TET2: variants seen among roughly 807,000 people sequenced by gnomAD.
The protein encoded by TET2 is tet methylcytosine dioxygenase 2.
A neutral mutation model predicts 142.9 loss-of-function variants in TET2; 299 were observed. The observed-to-expected ratio is 2.09, with a 90% CI of 1.90 to 2.30. The LOEUF is 2.30. TET2 is among the 30% of genes most tolerant of loss of function. The pLI is 0.00. For missense variants in TET2, 2,418 were observed against 2,378.0 expected (o/e 1.02, Z -0.35); for synonymous variants, 819 against 849.0 (o/e 0.96, Z 0.61).
chr4:105,228,649 T>C (rs568237175), intron 2 of TET2, among the ~76,000 whole-genome samples: 7 of 152,278 alleles, frequency 4.6e-5, no homozygotes, highest in Admixed American at 4.6e-4. Context: ...TGTACACATG[T>C]ATATACATGT....
chr4:105,185,759 A>G (rs1291487512), intron 1 of TET2, among the ~76,000 whole-genome samples: 5 of 152,214 alleles, frequency 3.3e-5, no homozygotes, highest in African/African-American at 1.2e-4. Flanking sequence ...AGCCTGGGCT[A>G]CAGAGCAAGA....
rs974556421 is a variant in TET2 at position 105,276,488 on chromosome 4, G to A, written c.5978G>A (p.Arg1993Gln). Residue 1993 changes from arginine to glutamine, a missense_variant, in exon 11 of 11, where the codon CGG becomes CAG. Transcript: ENST00000380013. The stretch of plus-strand genomic sequence containing the variant: ...ACTACATCTCCATATGCCTTCACTC[G>A]GGTCACAGGGCCTTACAACAGATAT... ...TVTTSPYAFT[R>Q]VTGPYNRYI 1.2e-5 allele frequency: 18 copies of A among 1,551,478 alleles called. No individual in the cohort carries two copies. Among genetic ancestry groups the A allele is most frequent in the East Asian group, 2.4e-5 (1 of 40,906 alleles).
intron 2 of TET2, among the ~76,000 whole-genome samples, chr4:105,224,906 C>T (rs150105326): frequency 1.3e-5 from 2 of 151,814 alleles, no homozygotes; most frequent in African/African-American, 4.8e-5. Context: ...TCCTTGGAAG[C>T]CCATGCATTA....
chr4:105,262,609 C>T (rs901451583), intron 8 of TET2, among the ~76,000 whole-genome samples: 5 of 152,190 alleles, frequency 3.3e-5, no homozygotes, highest in East Asian at 1.9e-4. Flanking sequence ...TTGCTGGGTA[C>T]GGTGGCTCAC....
At chr4:105,242,472 A>G in intron 4 of TET2, 2 of 1,104,434 alleles carry the variant, frequency 1.8e-6, no homozygotes, top group Non-Finnish European at 2.2e-6. Flanking sequence ...CCAAGTTTTA[A>G]AATAGCTAAA....
intron 6 of TET2, among the ~76,000 whole-genome samples, chr4:105,244,358 T>C (rs377456499): frequency 1.3e-5 from 2 of 152,184 alleles, no homozygotes; most frequent in African/African-American, 4.8e-5. Context: ...GATATGGATA[T>C]ATATTATTTT....
chr4:105,217,377 A>G (rs994067751), intron 2 of TET2, among the ~76,000 whole-genome samples: 2 of 152,176 alleles, frequency 1.3e-5, no homozygotes, highest in East Asian at 1.9e-4. Flanking sequence ...AGAACTCTAC[A>G]TCTGAGTGGT....
Position 105,235,345 on chromosome 4 carries a change from A to G in TET2, c.1403A>G (p.His468Arg), listed in dbSNP as rs368803705. 1.2e-6 allele frequency: 2 copies of G among 1,614,158 alleles called. No individual in the cohort carries two copies. The highest frequency in any genetic ancestry group is 1.3e-5 in the African/African-American group (1 of 75,050). Residue 468 changes from histidine to arginine, a missense_variant, in exon 3 of 11, where the codon CAT becomes CGT. Coordinates refer to ENST00000380013, the MANE Select transcript of TET2 (RefSeq NM_001127208.3). ...PPSQSPNPSTHVCSPSPMLSE... is the reference protein window; with the variant it reads ...PPSQSPNPSTRVCSPSPMLSE... ...TCCCAGAGTCCTAATCCATCTACAC[A>G]TGTATGCAGCCCTTCTCCGATGCTT... is the stretch of plus-strand genomic sequence containing the variant.
intron 6 of TET2, among the ~76,000 whole-genome samples, chr4:105,253,543 C>A (rs1163668953): frequency 6.9e-6 from 1 of 145,782 alleles, no homozygotes; most frequent in Non-Finnish European, 1.5e-5. Context: ...CACTTTAGAT[C>A]CAGTTTTTTT....
At chr4:105,203,949 G>A (rs931127223) in intron 2 of TET2, among the ~76,000 whole-genome samples, 31 of 151,616 alleles carry the variant, frequency 2.0e-4, no homozygotes, top group African/African-American at 6.1e-4. Flanking sequence ...GCCTGTAATC[G>A]CAGCACTTTG....
chr4:105,252,555 CAGTA>C (rs1729924546), intron 6 of TET2, among the ~76,000 whole-genome samples: 2 of 152,252 alleles, frequency 1.3e-5, no homozygotes, highest in East Asian at 3.9e-4. Context: ...GCTTGATTGA[CAGTA>C]AGAGTAAGAA....
At chr4:105,164,715 A>C (rs1433273978) in intron 1 of TET2, among the ~76,000 whole-genome samples, 1 of 152,232 alleles carries the variant, frequency 6.6e-6, no homozygotes, top group South Asian at 2.1e-4. Flanking sequence ...GTGAATTCCC[A>C]GTTGCCTGAA....
chr4:105,275,267 C>T lies in TET2; in HGVS notation c.4757C>T (p.Ser1586Leu), dbSNP rs2110312572. 1 of 1,552,318 alleles carries T rather than the reference C, an allele frequency of 6.4e-7. No individual in the cohort carries two copies. The highest frequency in any genetic ancestry group is 8.7e-7 in the Non-Finnish European group (1 of 1,147,118). Residue 1586 changes from serine to leucine, a missense_variant, in exon 11 of 11, where the codon TCA (serine) becomes TTA (leucine). Physicochemically the swap from Ser to Leu is moderately radical, Grantham distance 145. Transcript: ENST00000380013. ...CCTTATCCAAACTCTTCACACACTT[C>T]AGATATCTATGGAAGCACCAGCCCT... ...VSPYPNSSHT[S>L]DIYGSTSPMN...
Position 105,235,312 on chromosome 4 carries a change from CA to C in TET2, c.1371del (p.Pro458HisfsTer28). ...GTGAAAATAGAGGGTAAACCTGAGG[CA>C]CCACCTTCCCAGAGTCCTAATCCAT... ...REVKIEGKPE[A>X]PPSQSPNPST... On this transcript the variant is annotated frameshift_variant, in exon 3 of 11. Coordinates refer to ENST00000380013, the MANE Select transcript of TET2 (RefSeq NM_001127208.3). LOFTEE classifies it high-confidence loss of function. The C allele has an allele frequency of 6.2e-7, 1 of 1,613,942 alleles. No individual in the cohort carries two copies. The highest frequency in any genetic ancestry group is 8.5e-7 in the Non-Finnish European group (1 of 1,179,954).
At position 105,234,768 on chromosome 4, in the gene TET2, T is replaced by G; in HGVS notation, c.826T>G (p.Ser276Ala). 3.1e-6 allele frequency: 5 copies of G among 1,613,954 alleles called. No homozygotes were observed. The East Asian group carries it at 1.1e-4, about 36-fold the overall frequency. The change falls in exon 3 of 11, where the codon TCC (serine) becomes GCC (alanine). Residue 276 changes from serine to alanine, a missense_variant. Coordinates refer to ENST00000380013, the MANE Select transcript of TET2 (RefSeq NM_001127208.3). The part of the protein sequence containing the change: ...HPSHTSGQIN[S>A]AQTSNSELPP... ...ATCGCATACCTCAGGGCAGATCAAT[T>G]CCGCACAGACCTCTAACTCTGAGCT...
chr4:105,261,864 C>T lies in TET2; in HGVS notation c.4044+16C>T. On this transcript the variant is annotated intron_variant, in intron 8 of 10. Transcript: ENST00000380013. ...TAATAATCAGGTAAGTTTAAATAAT[C>T]ATTGGCAGCAATTGTAACAACTTAC... 1 of 1,427,502 alleles carries T rather than the reference C, an allele frequency of 7.0e-7. No individual in the cohort carries two copies. The highest frequency in any genetic ancestry group is 2.5e-5 in the East Asian group (1 of 40,130). The allele number at this position is 1,427,502 out of a possible 1,614,324, so 88.4% of individuals were successfully genotyped here. A position where few individuals can be genotyped will look rare whatever the true frequency, so the allele number is the denominator to read the frequency against.
Position 105,275,641 on chromosome 4 carries a change from A to G in TET2, c.5131A>G (p.Ile1711Val), listed in dbSNP as rs1468900249. ...GGGAGATGGTTTCAGCAGTTGTACC[A>G]TTAGACCAAATGTACATCATGTAGG... ...MQGDGFSSCT[I>V]RPNVHHVGKL... The change falls in exon 11 of 11, where the codon ATT (isoleucine) becomes GTT (valine). Residue 1711 changes from isoleucine (I) to valine (V), a missense_variant. Ile to Val is a conservative substitution (Grantham distance 29). Coordinates refer to ENST00000380013, the MANE Select transcript of TET2 (RefSeq NM_001127208.3). The G allele has an allele frequency of 1.3e-5, 20 of 1,551,906 alleles. No homozygotes were observed. Among genetic ancestry groups the G allele is most frequent in the Middle Eastern group, 1.7e-4 (1 of 6,018 alleles).
chr4:105,158,554 T>G (rs562979746), intron 1 of TET2, among the ~76,000 whole-genome samples: 33 of 152,322 alleles, frequency 2.2e-4, no homozygotes, highest in African/African-American at 7.7e-4. Context: ...TGGGTGTAAA[T>G]TATAACTTTG....
intron 2 of TET2, among the ~76,000 whole-genome samples, chr4:105,197,436 T>C (rs1387131412): frequency 6.6e-6 from 1 of 152,194 alleles, no homozygotes; most frequent in Non-Finnish European, 1.5e-5. Flanking sequence ...CAGTTTTTGG[T>C]TGTGTTCTGT....
Sources: allele counts gnomAD v4.1 joint callset (sites outside exome capture counted in the v4.1 genomes callset), GRCh38; gene constraint gnomAD v4.1.1; transcripts MANE v1.5; gene names NCBI Gene and HGNC (gene_info 2026-07-23, HGNC 2026-07-21).